HIPK3: variants seen among roughly 807,000 people sequenced by gnomAD.
The protein encoded by HIPK3 is homeodomain interacting protein kinase 3, also known as homeodomain-interacting protein kinase 3.
Under a neutral mutation model 124.2 loss-of-function variants are expected in HIPK3, and 47 were observed. That is an observed-to-expected ratio of 0.38 (90% confidence interval 0.30 to 0.48). HIPK3 has a LOEUF of 0.48. Among genes scored for constraint, HIPK3 ranks in the 20% least tolerant of loss-of-function variants. The probability of loss-of-function intolerance (pLI) is 0.98; values close to 1 mark genes in which losing one functional copy is unlikely to be tolerated. For missense variants in HIPK3, 1,286 were observed against 1,454.3 expected (o/e 0.88, Z 1.88); for synonymous variants, 482 against 515.2 (o/e 0.94, Z 0.87).
intron 1 of HIPK3, among the ~76,000 whole-genome samples, chr11:33,259,683 TATTTA>T (rs1221452712): frequency 6.6e-6 from 1 of 152,186 alleles, no homozygotes; most frequent in Non-Finnish European, 1.5e-5. Flanking sequence ...GAAATTTACT[TATTTA>T]AAATTTATGT....
chr11:33,267,503 T>C (rs1415972368), intron 1 of HIPK3, among the ~76,000 whole-genome samples: 1 of 143,448 alleles, frequency 7.0e-6, no homozygotes, highest in Non-Finnish European at 1.6e-5. Flanking sequence ...ATTATTATTA[T>C]TTTTTTTTTT....
At chr11:33,305,267 G>A (rs968091435) in intron 2 of HIPK3, among the ~76,000 whole-genome samples, 1 of 152,190 alleles carries the variant, frequency 6.6e-6, no homozygotes, top group Non-Finnish European at 1.5e-5. Flanking sequence ...CTCCCAAAGT[G>A]CTGGGATTAT....
At chr11:33,328,349 C>G (rs1852870019) in intron 2 of HIPK3, among the ~76,000 whole-genome samples, 161 bp from the exon 3 acceptor site, 2 of 152,102 alleles carry the variant, frequency 1.3e-5, no homozygotes, top group Admixed American at 1.3e-4. Flanking sequence ...CAGATTAATT[C>G]AGGATTATGT....
Position 33,353,579 on chromosome 11 carries a change from A to G in HIPK3, c.*11A>G. On this transcript the variant is annotated 3_prime_UTR_variant, in exon 17 of 17. Transcript: ENST00000303296. Reference sequence around the variant, plus strand: ...TATCCATATATGTGAAAAACAGTATATTGGGGAAGCTCAATGATACAAACA... The same window carrying G: ...TATCCATATATGTGAAAAACAGTATGTTGGGGAAGCTCAATGATACAAACA... 2 of 1,477,818 alleles carry G rather than the reference A, an allele frequency of 1.4e-6. No individual in the cohort carries two copies. The highest frequency in any genetic ancestry group is 2.3e-5 in the South Asian group (2 of 88,080). 91.5% of individuals were successfully genotyped at this position (1,477,818 alleles called of 1,614,324 possible). A position where few individuals can be genotyped will look rare whatever the true frequency, so the allele number is the denominator to read the frequency against.
intron 2 of HIPK3, among the ~76,000 whole-genome samples, chr11:33,296,904 G>A (rs894704625): frequency 1.3e-5 from 2 of 152,128 alleles, no homozygotes; most frequent in African/African-American, 4.8e-5. Context: ...TAAATCAAAA[G>A]CTAGAAATGA....
intron 1 of HIPK3, among the ~76,000 whole-genome samples, chr11:33,283,088 A>G (rs1851453618): frequency 1.3e-5 from 2 of 152,002 alleles, no homozygotes; most frequent in Admixed American, 6.6e-5. Context: ...GTAGATGCCA[A>G]TGAGATGTTT....
chr11:33,347,516 TTAA>T, intron 9 of HIPK3, 102 bp downstream of exon 9: 1 of 1,576,794 alleles, frequency 6.3e-7, no homozygotes, highest in Non-Finnish European at 8.6e-7. Flanking sequence ...GTTATGGACT[TTAA>T]TGTTTATAAT....
intron 14 of HIPK3, among the ~76,000 whole-genome samples, chr11:33,351,052 G>C (rs940656916): frequency 4.6e-5 from 7 of 152,172 alleles, no homozygotes; most frequent in Non-Finnish European, 7.3e-5. Context: ...CCCAAGGAGA[G>C]AGAGATTGTC....
In HIPK3 at chr11:33,302,339, C is replaced by T. The variant is rs1268970168; in HGVS notation, c.1097+14828C>T. ...TGAACTTCTCTATGATAATTCCTTA[C>T]TTCTTTTTTTTTTTTTTGAGAAGGA... On this transcript the variant is annotated intron_variant, in intron 2 of 16. Transcript: ENST00000303296. 1.1e-4 allele frequency among the ~76,000 whole-genome samples: 13 copies of T among 121,170 alleles called. 1 individual carries two copies. The highest frequency in any genetic ancestry group is 4.8e-4 in the East Asian group (2 of 4,190). 79.5% of individuals were successfully genotyped at this position (121,170 alleles called of 152,430 possible). A position where few individuals can be genotyped will look rare whatever the true frequency, so the allele number is the denominator to read the frequency against.
chr11:33,288,987 T>C (rs1248417183), intron 2 of HIPK3, among the ~76,000 whole-genome samples: 1 of 152,202 alleles, frequency 6.6e-6, no homozygotes, highest in Non-Finnish European at 1.5e-5. Flanking sequence ...TGCCTTTCAC[T>C]GTACCTGATT....
Position 33,353,192 on chromosome 11 carries a change from C to T in HIPK3, c.3272C>T (p.Thr1091Ile). The change falls in exon 17 of 17, where the codon ACT (threonine) becomes ATT (isoleucine). Residue 1091 changes from threonine to isoleucine, a missense_variant. This residue lies in a region of HIPK3 where 810 missense variants were observed against 864.9 expected (regional missense o/e 0.94). Coordinates refer to ENST00000303296, the MANE Select transcript of HIPK3 (RefSeq NM_005734.5). ...IPTSVTSNPF[T>I]LSHGSPNHTA... ...ACTAGTGTTACCAGTAATCCATTCA[C>T]TCTTTCTCATGGAAGTCCCAATCAC... The T allele has an allele frequency of 6.2e-7, 1 of 1,613,802 alleles. No homozygotes were observed. Among genetic ancestry groups the T allele is most frequent in the Non-Finnish European group, 8.5e-7 (1 of 1,179,784 alleles).
In HIPK3 at chr11:33,347,866, G is replaced by A; in HGVS notation, c.2159G>A (p.Cys720Tyr). The A allele has an allele frequency of 6.2e-7, 1 of 1,614,134 alleles. No homozygotes were observed. Among genetic ancestry groups the A allele is most frequent in the Non-Finnish European group, 8.5e-7 (1 of 1,180,006 alleles). ...RLGDWGKMISCSNHYNSVMPQ... is the reference protein window; with the variant it reads ...RLGDWGKMISYSNHYNSVMPQ... ...CTTCTCCCTAGGAAGATGATTTCAT[G>A]CAGCAATCATTATAACTCAGTGATG... Residue 720 changes from cysteine (C) to tyrosine (Y), a missense_variant, in exon 11 of 17, where the codon TGC (cysteine) becomes TAC (tyrosine). Coordinates refer to ENST00000303296, the MANE Select transcript of HIPK3 (RefSeq NM_005734.5).
At chr11:33,348,132 A>G (rs1853553812) in intron 11 of HIPK3, 34 bp from the exon 12 acceptor site, 3 of 1,610,074 alleles carry the variant, frequency 1.9e-6, no homozygotes, top group Non-Finnish European at 2.5e-6. Context: ...GCTTTGTTAC[A>G]AACACTAAGC....
intron 1 of HIPK3, among the ~76,000 whole-genome samples, chr11:33,269,003 T>C (rs1851050884): frequency 6.6e-6 from 1 of 152,214 alleles, no homozygotes; most frequent in Admixed American, 6.5e-5. Flanking sequence ...ACCATGCTCT[T>C]ACCTGTTTTT....
intron 1 of HIPK3, among the ~76,000 whole-genome samples, chr11:33,283,980 T>C (rs773297321): frequency 3.9e-5 from 6 of 152,170 alleles, no homozygotes. Flanking sequence ...TGGCCAACTT[T>C]AGTTTTCTTA....
chr11:33,310,311 T>TATCTATCTATCTATCTATCTATCTATCTA (rs1565078204), intron 2 of HIPK3, among the ~76,000 whole-genome samples: 2 of 150,848 alleles, frequency 1.3e-5, no homozygotes, highest in African/African-American at 4.9e-5. Context: ...CTATCTAATC[T>TATCTATCTATCTATCTATCTATCTATCTA]ATCTATCTAT....
Position 33,348,652 on chromosome 11 carries a change from A to G in HIPK3, c.2500A>G (p.Arg834Gly). 2 of 1,614,232 alleles carry G rather than the reference A, an allele frequency of 1.2e-6. No individual in the cohort carries two copies. The highest frequency in any genetic ancestry group is 1.7e-6 in the Non-Finnish European group (2 of 1,180,042). The part of the protein sequence containing the change: ...QDNQNSEGEA[R>G]NCCETSIRQD... ...CAATCAGAACTCAGAAGGAGAGGCA[A>G]GAAATTGCTGTGAAACATCTATCAG... Residue 834 changes from arginine to glycine, a missense_variant, in exon 13 of 17, where the codon AGA becomes GGA. Coordinates refer to ENST00000303296, the MANE Select transcript of HIPK3 (RefSeq NM_005734.5).
At chr11:33,303,713 G>A (rs1207753078) in intron 2 of HIPK3, among the ~76,000 whole-genome samples, 1 of 152,172 alleles carries the variant, frequency 6.6e-6, no homozygotes, top group Non-Finnish European at 1.5e-5. Context: ...GTTATTAACA[G>A]CATGTGTGCC....
At chr11:33,263,778 C>G (rs921601668) in intron 1 of HIPK3, among the ~76,000 whole-genome samples, 2 of 152,142 alleles carry the variant, frequency 1.3e-5, no homozygotes, top group South Asian at 4.1e-4. Context: ...AATCCCTCCC[C>G]CAACCCCTTC....
Sources: allele counts gnomAD v4.1 joint callset (sites outside exome capture counted in the v4.1 genomes callset), GRCh38; gene constraint gnomAD v4.1.1; regional missense constraint gnomAD v4.1.1; transcripts MANE v1.5; gene names NCBI Gene and HGNC (gene_info 2026-07-23, HGNC 2026-07-21).